The following KANK1 variants were observed in gnomAD, a reference collection of about 807,000 sequenced individuals.
KANK1 encodes the protein KN motif and ankyrin repeat domain-containing protein 1.
In KANK1, 109 loss-of-function variants were observed where a neutral mutation model predicts 106.2. The observed-to-expected ratio is 1.03, with a 90% confidence interval of 0.88 to 1.20. The LOEUF (loss-of-function observed/expected upper bound fraction) is 1.20, where lower values mean the gene tolerates loss of function less well. KANK1 is among the 50% of genes most tolerant of loss of function. The probability of loss-of-function intolerance (pLI) is 0.00; values close to 1 mark genes in which losing one functional copy is unlikely to be tolerated. For synonymous variants in KANK1, 873 were observed against 652.2 expected, an observed-to-expected ratio of 1.34 and a Z score of -5.16; for missense variants, 2,399 against 1,710.7, an observed-to-expected ratio of 1.40 and a Z score of -7.10.
At chr9:527,368 C>A (rs2059837756) in intron 1 of KANK1, among the ~76,000 whole-genome samples, 2 of 151,778 alleles carry the variant, frequency 1.3e-5, no homozygotes, top group South Asian at 2.1e-4. Context: ...GTGGCGCGAT[C>A]TTGGCTCGCG....
intron 1 of KANK1, among the ~76,000 whole-genome samples, chr9:515,190 A>G (rs1318722930): frequency 2.0e-5 from 3 of 151,516 alleles, no homozygotes; most frequent in South Asian, 2.1e-4. Context: ...AAAAAAATAC[A>G]AAAGATTAGC....
intron 1 of KANK1, among the ~76,000 whole-genome samples, chr9:607,139 A>C (rs890917011): frequency 1.3e-5 from 2 of 151,766 alleles, no homozygotes; most frequent in Non-Finnish European, 2.9e-5. Context: ...CATGCTTGTT[A>C]GGTCATTCAG....
At chr9:515,110 G>C (rs545803191) in intron 1 of KANK1, among the ~76,000 whole-genome samples, 1 of 151,722 alleles carries the variant, frequency 6.6e-6, no homozygotes, top group African/African-American at 2.4e-5. Context: ...TTGGGAGGCA[G>C]AGGCGGGTGG....
intron 2 of KANK1, chr9:685,535 A>C (rs1818375580): frequency 6.6e-6 from 1 of 152,182 alleles, no homozygotes; most frequent in South Asian, 2.1e-4. Flanking sequence ...TACCTTGTTT[A>C]TGGCCAGATT....
chr9:498,300 C>G (rs186411900), intron 3 of KANK1, among the ~76,000 whole-genome samples: 1 of 152,148 alleles, frequency 6.6e-6, no homozygotes, highest in East Asian at 1.9e-4. Flanking sequence ...GGGTGAAACT[C>G]GGAACCAGGG....
At chr9:611,275 T>G (rs527841461) in intron 1 of KANK1, among the ~76,000 whole-genome samples, 10 of 152,294 alleles carry the variant, frequency 6.6e-5, no homozygotes, top group African/African-American at 2.4e-4. Context: ...TCACAGACAA[T>G]TGTCACTGAA....
intron 1 of KANK1, among the ~76,000 whole-genome samples, chr9:634,763 G>C (rs1447770370): frequency 6.6e-6 from 1 of 152,174 alleles, no homozygotes; most frequent in East Asian, 1.9e-4. Context: ...AAGCAAGATG[G>C]AGTTGAACCA....
At chr9:472,714 A>C (rs2058042386) in intron 2 of KANK1, among the ~76,000 whole-genome samples, 1 of 152,214 alleles carries the variant, frequency 6.6e-6, no homozygotes. Flanking sequence ...ATTAGTGTAA[A>C]AGGAAATGCA....
Position 745,349 on chromosome 9 carries a change from A to T in KANK1, c.*114A>T. Reference sequence around the variant, plus strand: ...GTGCCTGAGCTCACCAGCAAACAGAAGCATCAAGCCCAGGGGTAAAGGCTG... The same window carrying T: ...GTGCCTGAGCTCACCAGCAAACAGATGCATCAAGCCCAGGGGTAAAGGCTG... On this transcript the variant is annotated 3_prime_UTR_variant, in exon 12 of 12. Transcript: ENST00000382297. 1 of 1,352,162 alleles carries T rather than the reference A, an allele frequency of 7.4e-7. No homozygotes were observed. Among genetic ancestry groups the T allele is most frequent in the Non-Finnish European group, 1.1e-6 (1 of 951,490 alleles). 83.8% of individuals were successfully genotyped at this position (1,352,162 alleles called of 1,614,324 possible).
chr9:554,614 C>G (rs903860237), intron 1 of KANK1, among the ~76,000 whole-genome samples: 1 of 152,178 alleles, frequency 6.6e-6, no homozygotes, highest in Non-Finnish European at 1.5e-5. Context: ...TCTGAATTAT[C>G]AGAATCATCT....
intron 1 of KANK1, among the ~76,000 whole-genome samples, chr9:581,023 C>G (rs1316445370): frequency 6.6e-6 from 1 of 151,916 alleles, no homozygotes; most frequent in Non-Finnish European, 1.5e-5. Context: ...AGTGCTAAGC[C>G]CCTCACTGCC....
chr9:717,475 T>C (rs1329869716), intron 3 of KANK1, among the ~76,000 whole-genome samples: 1 of 152,184 alleles, frequency 6.6e-6, no homozygotes, highest in Non-Finnish European at 1.5e-5. Context: ...GTCCGCCTCT[T>C]TGTTTTTTCA....
intron 1 of KANK1, among the ~76,000 whole-genome samples, chr9:522,204 G>C (rs769087115): frequency 6.6e-6 from 1 of 151,704 alleles, no homozygotes. Flanking sequence ...CTCATTTTAC[G>C]ATTCTGTTTT....
At chr9:718,415 C>G (rs548133200) in intron 3 of KANK1, among the ~76,000 whole-genome samples, 1 of 149,392 alleles carries the variant, frequency 6.7e-6, no homozygotes, top group East Asian at 2.0e-4. Flanking sequence ...CGAGCTCTAA[C>G]CATCCTCCCT....
At chr9:552,663 AT>A (rs2061350567) in intron 1 of KANK1, among the ~76,000 whole-genome samples, 2 of 152,218 alleles carry the variant, frequency 1.3e-5, no homozygotes, top group Non-Finnish European at 2.9e-5. Flanking sequence ...ATCAAATCAC[AT>A]TCTTGACTAA....
chr9:651,725 CTAAG>C (rs1840920243), intron 1 of KANK1, among the ~76,000 whole-genome samples: 1 of 152,160 alleles, frequency 6.6e-6, no homozygotes, highest in Non-Finnish European at 1.5e-5. Flanking sequence ...ATGAAATGCT[CTAAG>C]TGAGTTAGGG....
At chr9:501,332 A>G (rs954218926), upstream of KANK1, among the ~76,000 whole-genome samples, 1 of 152,168 alleles carries the variant, frequency 6.6e-6, no homozygotes, top group Non-Finnish European at 1.5e-5. Flanking sequence ...GTCTGCCCCC[A>G]AGGTTTTCAG....
intron 2 of KANK1, among the ~76,000 whole-genome samples, chr9:685,299 T>C (rs567213302): frequency 3.3e-5 from 5 of 152,328 alleles, no homozygotes; most frequent in African/African-American, 1.2e-4. Flanking sequence ...AGTACGCTGC[T>C]ATTTTGAGAT....
At chr9:717,112 C>G (rs1439372593) in intron 3 of KANK1, among the ~76,000 whole-genome samples, 5 of 151,974 alleles carry the variant, frequency 3.3e-5, no homozygotes, top group Admixed American at 2.0e-4. Context: ...TGGTAAAACC[C>G]CGTCTTTACT....
Sources: allele counts gnomAD v4.1 joint callset (sites outside exome capture counted in the v4.1 genomes callset), GRCh38; gene constraint gnomAD v4.1.1; transcripts MANE v1.5; gene names NCBI Gene and HGNC (gene_info 2026-07-23, HGNC 2026-07-21).